The following BMP5 variants were observed in gnomAD, a reference collection of about 807,000 sequenced individuals.
BMP5 encodes bone morphogenetic protein 5.
BMP5 carries 23 observed loss-of-function variants against 46.6 expected under a neutral mutation model. That is an observed-to-expected ratio of 0.49 (90% CI 0.35 to 0.70). The LOEUF (loss-of-function observed/expected upper bound fraction) is 0.70. Among genes scored for constraint, BMP5 ranks in the 30% least tolerant of loss-of-function variants. The probability of loss-of-function intolerance (pLI) is 0.00; values close to 1 mark genes in which losing one functional copy is unlikely to be tolerated. For missense variants in BMP5, 545 were observed against 565.6 expected (o/e 0.96, Z 0.37); for synonymous variants, 204 against 191.9 (o/e 1.06, Z -0.52).
chr6:55,810,265 T>C (rs538341120), intron 2 of BMP5, among the ~76,000 whole-genome samples: 51 of 152,270 alleles, frequency 3.3e-4, no homozygotes, highest in Non-Finnish European at 5.0e-4. Context: ...TCTAATTCCA[T>C]GCTGCATTTA....
chr6:55,860,257 G>C (rs1053866163), intron 1 of BMP5, among the ~76,000 whole-genome samples: 6 of 152,176 alleles, frequency 3.9e-5, no homozygotes, highest in African/African-American at 1.4e-4. Flanking sequence ...CTGGGTAACA[G>C]AGCAAGATCC....
Position 55,760,460 on chromosome 6 carries a change from C to T in BMP5, c.1101G>A (p.Trp367Ter). 6.2e-7 allele frequency: 1 copy of T among 1,612,900 alleles called. No individual in the cohort carries two copies. Among genetic ancestry groups the T allele is most frequent in the Non-Finnish European group, 8.5e-7 (1 of 1,179,172 alleles). ...ELYVSFRDLGWQDWIIAPEGY... is the reference protein window; with the variant it reads ...ELYVSFRDLG Reference sequence around the variant, plus strand: ...AAAGTTGACTGAAAATTCCTACCTGCCATCCCAGATCCCGGAAGCTCACAT... The same window carrying T: ...AAAGTTGACTGAAAATTCCTACCTGTCATCCCAGATCCCGGAAGCTCACAT... Residue 367 changes from tryptophan (W) to a stop codon, truncating the protein, a stop_gained, in exon 5 of 7, where the codon TGG becomes TGA. Coordinates refer to ENST00000370830, the MANE Select transcript of BMP5 (RefSeq NM_021073.4). LOFTEE classifies it high-confidence loss of function.
At chr6:55,864,888 T>A (rs1777605324) in intron 1 of BMP5, among the ~76,000 whole-genome samples, 1 of 151,306 alleles carries the variant, frequency 6.6e-6, no homozygotes, top group African/African-American at 2.4e-5. Context: ...TTAACAAAAA[T>A]ATTTAATAGC....
At chr6:55,767,337 T>C (rs1286330099) in intron 4 of BMP5, among the ~76,000 whole-genome samples, 4 of 151,990 alleles carry the variant, frequency 2.6e-5, no homozygotes, top group Non-Finnish European at 4.4e-5. Flanking sequence ...AAACCAATTA[T>C]AATGTTCAAC....
chr6:55,791,136 T>C (rs933006004), intron 3 of BMP5, among the ~76,000 whole-genome samples: 1 of 152,124 alleles, frequency 6.6e-6, no homozygotes, highest in Non-Finnish European at 1.5e-5. Context: ...ATGGTCTGTC[T>C]GCTCTGAAGC....
intron 4 of BMP5, among the ~76,000 whole-genome samples, chr6:55,765,280 A>T (rs1343231694): frequency 6.6e-6 from 1 of 152,136 alleles, no homozygotes; most frequent in East Asian, 1.9e-4. Flanking sequence ...GGGATGAAAC[A>T]CAGATATAGC....
chr6:55,849,636 A>G (rs1777176624), intron 1 of BMP5, among the ~76,000 whole-genome samples: 2 of 151,956 alleles, frequency 1.3e-5, no homozygotes, highest in Admixed American at 1.3e-4. Flanking sequence ...GCCAAAATAG[A>G]TATTATTTAG....
In BMP5 at chr6:55,838,587, A is replaced by C. The variant is rs183910519; in HGVS notation, c.491-18740T>G. On this transcript the variant is annotated intron_variant, in intron 1 of 6. Coordinates refer to ENST00000370830, the MANE Select transcript of BMP5 (RefSeq NM_021073.4). ...GCTTGCAAATATTTTCTCCCACTCC[A>C]TGTGATGTCTCTTCACTTTGTCGAT... Among the ~76,000 whole-genome samples the C allele has an allele frequency of 1.1e-4, 17 of 152,162 alleles. No homozygotes were observed. In the East Asian group the frequency reaches 3.3e-3, roughly 29 times the overall value.
intron 3 of BMP5, among the ~76,000 whole-genome samples, chr6:55,785,467 C>T (rs1775424776): frequency 6.6e-6 from 1 of 151,740 alleles, no homozygotes; most frequent in Non-Finnish European, 1.5e-5. Context: ...CTAAAGCATA[C>T]AGGGAAGATT....
chr6:55,800,195 T>G (rs965711879), intron 2 of BMP5, among the ~76,000 whole-genome samples: 1 of 152,184 alleles, frequency 6.6e-6, no homozygotes, highest in Non-Finnish European at 1.5e-5. Context: ...CTGTGATATA[T>G]GATTAAAAAT....
intron 2 of BMP5, among the ~76,000 whole-genome samples, chr6:55,810,336 G>A (rs1488305334): frequency 6.6e-6 from 1 of 152,036 alleles, no homozygotes; most frequent in Admixed American, 6.6e-5. Context: ...GAAAAGCATG[G>A]CAGAAATGAA....
At chr6:55,850,350 GTAGGTAGATAGATAGA>G (rs1316563044) in intron 1 of BMP5, among the ~76,000 whole-genome samples, 3 of 53,718 alleles carry the variant, frequency 5.6e-5, no homozygotes, top group African/African-American at 1.0e-4. Flanking sequence ...AGTTAGGTAA[GTAGGTAGATAGATAGA>G]TAGATAGATA....
At chr6:55,769,476 G>C (rs1774996682) in intron 4 of BMP5, among the ~76,000 whole-genome samples, 1 of 151,812 alleles carries the variant, frequency 6.6e-6, no homozygotes, top group Non-Finnish European at 1.5e-5. Flanking sequence ...GGTTCCGCTT[G>C]TAATTCAAGT....
chr6:55,805,417 G>A (rs530155417), intron 2 of BMP5, among the ~76,000 whole-genome samples: 7 of 152,198 alleles, frequency 4.6e-5, no homozygotes, highest in African/African-American at 1.4e-4. Context: ...ATTCATCCAT[G>A]TCCCTGCAAA....
chr6:55,819,911 G>T, intron 1 of BMP5, 64 bp from the exon 2 acceptor site: 1 of 1,348,718 alleles, frequency 7.4e-7, no homozygotes, highest in South Asian at 1.2e-5. Flanking sequence ...GGAAATTAAT[G>T]ATAAATTCTC....
At chr6:55,833,452 G>A (rs934029755) in intron 1 of BMP5, among the ~76,000 whole-genome samples, 1 of 152,160 alleles carries the variant, frequency 6.6e-6, no homozygotes, top group Non-Finnish European at 1.5e-5. Flanking sequence ...CCTAAGTTGT[G>A]CTTTACATGT....
At chr6:55,812,802 C>A (rs1320756869) in intron 2 of BMP5, among the ~76,000 whole-genome samples, 1 of 152,110 alleles carries the variant, frequency 6.6e-6, no homozygotes, top group Non-Finnish European at 1.5e-5. Context: ...CACAAATAAT[C>A]AATAGTTAAA....
chr6:55,769,859 A>C (rs1289736914), intron 4 of BMP5, among the ~76,000 whole-genome samples: 1 of 151,906 alleles, frequency 6.6e-6, no homozygotes, highest in Non-Finnish European at 1.5e-5. Flanking sequence ...TGGGTGATCA[A>C]GTACATTGTC....
At chr6:55,870,921 TA>T (rs1037238260) in intron 1 of BMP5, among the ~76,000 whole-genome samples, 1 of 152,054 alleles carries the variant, frequency 6.6e-6, no homozygotes, top group African/African-American at 2.4e-5. Flanking sequence ...AAACCATTAA[TA>T]AACTCAAAGT....
Sources: gnomAD v4.1 joint callset for allele counts (sites outside exome capture counted in the v4.1 genomes callset) on GRCh38, gnomAD v4.1.1 for gene constraint, MANE v1.5 for transcripts, NCBI Gene and HGNC (gene_info 2026-07-23, HGNC 2026-07-21) for gene names.